PCSK5: variants seen among roughly 807,000 people sequenced by gnomAD.
The protein encoded by PCSK5 is proprotein convertase subtilisin/kexin type 5.
A neutral mutation model predicts 233.2 loss-of-function variants in PCSK5; 129 were observed. That is an observed-to-expected ratio of 0.55 (90% CI 0.48 to 0.64). The LOEUF (loss-of-function observed/expected upper bound fraction) is 0.64. Among genes scored for constraint, PCSK5 ranks in the 30% least tolerant of loss-of-function variants. The pLI is 0.00. For missense variants in PCSK5, 2,076 were observed against 2,430.1 expected, an observed-to-expected ratio of 0.85 and a Z score of 3.06; for synonymous variants, 825 against 879.2, an observed-to-expected ratio of 0.94 and a Z score of 1.09.
At chr9:76,169,627 C>A in intron 12 of PCSK5, 77 bp from the exon 13 acceptor site, 1 of 1,425,428 alleles carries the variant, frequency 7.0e-7, no homozygotes, top group Non-Finnish European at 9.8e-7. Flanking sequence ...ATACAAAAAA[C>A]AGTGTCGATT....
At chr9:75,999,781 C>T (rs899914435) in intron 3 of PCSK5, among the ~76,000 whole-genome samples, 1 of 152,158 alleles carries the variant, frequency 6.6e-6, no homozygotes, top group Non-Finnish European at 1.5e-5. Context: ...GGGGCGCTTG[C>T]TCCCAACAGT....
intron 17 of PCSK5, among the ~76,000 whole-genome samples, chr9:76,188,254 A>G (rs1318271796): frequency 3.3e-5 from 5 of 152,212 alleles, no homozygotes; most frequent in Admixed American, 1.3e-4. Flanking sequence ...TGTTTTGTCA[A>G]TCAAATACTT....
chr9:76,337,821 G>A (rs971462930), intron 34 of PCSK5, among the ~76,000 whole-genome samples: 6 of 147,420 alleles, frequency 4.1e-5, no homozygotes, highest in African/African-American at 1.5e-4. Context: ...CCAACATAGT[G>A]AGACACCCAT....
At chr9:76,190,180 A>G (rs1375547678) in intron 20 of PCSK5, among the ~76,000 whole-genome samples, 1 of 152,126 alleles carries the variant, frequency 6.6e-6, no homozygotes, top group Non-Finnish European at 1.5e-5. Flanking sequence ...AAAGTCCACA[A>G]TTTACATTAG....
At chr9:75,992,647 T>G (rs1826820712) in intron 3 of PCSK5, among the ~76,000 whole-genome samples, 1 of 152,078 alleles carries the variant, frequency 6.6e-6, no homozygotes, top group Admixed American at 6.5e-5. Context: ...CTCAGAAGTG[T>G]TTCTATTTGA....
chr9:75,905,813 A>C (rs561356386), intron 1 of PCSK5, among the ~76,000 whole-genome samples: 1 of 152,220 alleles, frequency 6.6e-6, no homozygotes, highest in Admixed American at 6.5e-5. Flanking sequence ...ATGCCTGATG[A>C]TCTGATATGG....
intron 9 of PCSK5, among the ~76,000 whole-genome samples, chr9:76,114,222 T>C (rs1230647995): frequency 1.3e-5 from 2 of 152,134 alleles, no homozygotes; most frequent in Non-Finnish European, 2.9e-5. Flanking sequence ...GTAAAAACAA[T>C]GCACATTTCG....
rs115293912 is a variant in PCSK5, at chr9:76,253,810, A to G, written c.3142+13126A>G. Among the ~76,000 whole-genome samples the G allele has an allele frequency of 1.9e-3, 292 of 152,368 alleles. 1 individual carries two copies. Among genetic ancestry groups the G allele is most frequent in the African/African-American group, 6.9e-3 (288 of 41,584 alleles). The stretch of plus-strand genomic sequence containing the variant: ...TATGCATATGGGAAATGACAGAGTA[A>G]TTCAGAAGCAGTTTGTTTGGAGCAA... On this transcript the variant is annotated intron_variant, in intron 24 of 37. Coordinates refer to ENST00000674117, the MANE Select transcript of PCSK5 (RefSeq NM_001372043.1).
rs1004898057 is a variant in PCSK5 at position 76,020,794 on chromosome 9, G to A, written c.412-2944G>A. On this transcript the variant is annotated intron_variant, in intron 3 of 37. Coordinates refer to ENST00000674117, the MANE Select transcript of PCSK5 (RefSeq NM_001372043.1). ...AGGCAGCATCCCTCCACTCCAGGCCGGTTATCCCATTTGTGGGTTACCCAT... is the reference window on the plus strand; with the variant it reads ...AGGCAGCATCCCTCCACTCCAGGCCAGTTATCCCATTTGTGGGTTACCCAT... Among the ~76,000 whole-genome samples the A allele has an allele frequency of 9.2e-5, 14 of 152,262 alleles. No individual in the cohort carries two copies. The East Asian group carries it at 2.3e-3, about 25-fold the overall frequency.
intron 21 of PCSK5, among the ~76,000 whole-genome samples, chr9:76,232,106 C>T (rs561321556): frequency 6.6e-6 from 1 of 152,248 alleles, no homozygotes; most frequent in South Asian, 2.1e-4. Flanking sequence ...ATTGAAATGG[C>T]CCACCCCCCA....
chr9:76,189,505 T>C (rs1234375902), intron 19 of PCSK5, 126 bp from the exon 20 acceptor site: 1 of 685,690 alleles, frequency 1.5e-6, no homozygotes, highest in East Asian at 2.7e-5. Context: ...GCAATTGTTG[T>C]GAGGAAAGAT....
At chr9:75,981,757 C>T (rs529768224) in intron 2 of PCSK5, among the ~76,000 whole-genome samples, 4 of 152,114 alleles carry the variant, frequency 2.6e-5, no homozygotes, top group African/African-American at 9.6e-5. Context: ...AGATGGAAGT[C>T]TTGCTATGTT....
At chr9:75,939,926 A>G (rs1179410984) in intron 2 of PCSK5, among the ~76,000 whole-genome samples, 1 of 152,088 alleles carries the variant, frequency 6.6e-6, no homozygotes, top group African/African-American at 2.4e-5. Flanking sequence ...CCCTACGTTC[A>G]CCTCAGCCAG....
intron 24 of PCSK5, among the ~76,000 whole-genome samples, chr9:76,269,155 G>A (rs527628487): frequency 1.9e-4 from 29 of 152,308 alleles, no homozygotes; most frequent in Admixed American, 1.9e-3. Context: ...AGGTAATTCA[G>A]ACTTTTATGA....
intron 5 of PCSK5, among the ~76,000 whole-genome samples, chr9:76,057,534 A>C (rs766164052): frequency 6.6e-6 from 1 of 152,202 alleles, no homozygotes; most frequent in Non-Finnish European, 1.5e-5. Flanking sequence ...TCAGCAGCAG[A>C]GTGAAGGTTC....
intron 5 of PCSK5, 134 bp from the exon 6 acceptor site, chr9:76,067,821 T>G (rs1830338930): frequency 2.9e-6 from 2 of 680,350 alleles, no homozygotes; most frequent in South Asian, 3.6e-5. Context: ...ACAGACAAAG[T>G]GCTACTTGGG....
intron 1 of PCSK5, among the ~76,000 whole-genome samples, chr9:75,902,236 AAAAAAAAGAAAAG>A: frequency 1.4e-5 from 2 of 139,642 alleles, no homozygotes; most frequent in Middle Eastern, 7.1e-3. Flanking sequence ...AAAAAAAAAA[AAAAAAAAGAAAAG>A]GACAAAACAA....
chr9:75,893,075 G>C (rs189902421), intron 1 of PCSK5, among the ~76,000 whole-genome samples: 75 of 152,226 alleles, frequency 4.9e-4, no homozygotes, highest in Non-Finnish European at 8.8e-4. Flanking sequence ...CTATGCCCTG[G>C]GAATGGAACT....
intron 24 of PCSK5, among the ~76,000 whole-genome samples, chr9:76,282,098 G>A (rs1827887905): frequency 1.4e-5 from 2 of 138,216 alleles, no homozygotes; most frequent in South Asian, 2.4e-4. Flanking sequence ...GCCCAGGCTG[G>A]AGTGCACCAT....
Sources: gnomAD v4.1 joint callset for allele counts (sites outside exome capture counted in the v4.1 genomes callset) on GRCh38, gnomAD v4.1.1 for gene constraint, MANE v1.5 for transcripts, NCBI Gene and HGNC (gene_info 2026-07-23, HGNC 2026-07-21) for gene names.